Variants in HEG1 observed in about 807,000 individuals in gnomAD.
HEG1 encodes the protein heart development protein with EGF like domains 1, also known as protein HEG homolog 1.
In HEG1, 56 loss-of-function variants were observed where a neutral mutation model predicts 125.6. That is an observed-to-expected ratio of 0.45 (90% CI 0.36 to 0.56). The LOEUF is 0.56. Among genes scored for constraint, HEG1 ranks in the 20% least tolerant of loss-of-function variants. The pLI, the probability that HEG1 is intolerant of heterozygous loss-of-function variation, is 0.00. For missense variants in HEG1, 1,523 were observed against 1,670.0 expected, an observed-to-expected ratio of 0.91 and a Z score of 1.53; for synonymous variants, 644 against 668.5, an observed-to-expected ratio of 0.96 and a Z score of 0.57.
intron 3 of HEG1, among the ~76,000 whole-genome samples, chr3:125,023,116 C>G (rs1487367939): frequency 6.6e-6 from 1 of 152,114 alleles, no homozygotes; most frequent in East Asian, 1.9e-4. Context: ...ATTGCTTGAA[C>G]CTGGGAGGTG....
chr3:125,019,183 A>G (rs1937297069), intron 5 of HEG1, 79 bp downstream of exon 5: 2 of 1,274,704 alleles, frequency 1.6e-6, no homozygotes, highest in Non-Finnish European at 2.2e-6. Context: ...GCGTGGTTTT[A>G]ATACGCCACA....
intron 3 of HEG1, among the ~76,000 whole-genome samples, chr3:125,023,627 C>A (rs1034014217): frequency 2.0e-5 from 3 of 151,658 alleles, no homozygotes; most frequent in Non-Finnish European, 2.9e-5. Flanking sequence ...TCTACAAACA[C>A]CACTTATATT....
intron 1 of HEG1, among the ~76,000 whole-genome samples, chr3:125,048,137 C>T (rs1230128760): frequency 1.3e-5 from 2 of 152,058 alleles, no homozygotes; most frequent in Admixed American, 6.5e-5. Context: ...GACCTGTAAG[C>T]TTTCCTCAAA....
At chr3:125,029,847 G>A (rs973474480) in intron 1 of HEG1, among the ~76,000 whole-genome samples, 9 of 152,320 alleles carry the variant, frequency 5.9e-5, no homozygotes, top group South Asian at 2.1e-4. Context: ...AGCCAAGAAC[G>A]TGCCATTGCA....
chr3:125,023,635 A>G (rs1370583493), intron 3 of HEG1, among the ~76,000 whole-genome samples: 1 of 149,990 alleles, frequency 6.7e-6, no homozygotes, highest in Non-Finnish European at 1.5e-5. Flanking sequence ...CACCACTTAT[A>G]TTACTAAATG....
intron 1 of HEG1, among the ~76,000 whole-genome samples, chr3:125,031,560 T>C (rs927151230): frequency 2.6e-5 from 4 of 152,124 alleles, no homozygotes; most frequent in African/African-American, 4.8e-5. Flanking sequence ...TGGGGATGAA[T>C]GGAATCACTT....
At chr3:124,979,827 C>T (rs1436277231) in intron 14 of HEG1, among the ~76,000 whole-genome samples, 3 of 152,202 alleles carry the variant, frequency 2.0e-5, no homozygotes, top group Non-Finnish European at 4.4e-5. Context: ...CCCTCCTCAC[C>T]AAGCTTCTAG....
chr3:124,971,218 A>G, intron 16 of HEG1: 1 of 455,438 alleles, frequency 2.2e-6, no homozygotes, highest in Admixed American at 2.4e-5. Context: ...TTCTTGGCAG[A>G]AATAAAATAC....
At chr3:125,014,555 T>G (rs951067943) in intron 5 of HEG1, among the ~76,000 whole-genome samples, 1 of 152,132 alleles carries the variant, frequency 6.6e-6, no homozygotes, top group Non-Finnish European at 1.5e-5. Context: ...GGAGGGGTAT[T>G]CACCTTCCTG....
chr3:125,001,658 T>C (rs1337781273), intron 11 of HEG1, among the ~76,000 whole-genome samples, 194 bp downstream of exon 11: 2 of 152,204 alleles, frequency 1.3e-5, no homozygotes, highest in African/African-American at 4.8e-5. Flanking sequence ...TCTGGGTGTG[T>C]GTGTGCATGT....
rs371976361 is a variant in HEG1, at chr3:125,032,513, C to T, written c.317-3025G>A. Among the ~76,000 whole-genome samples the T allele has an allele frequency of 6.6e-5, 10 of 152,248 alleles. No homozygotes were observed. In the East Asian group the frequency reaches 1.5e-3, roughly 24 times the overall value. On this transcript the variant is annotated intron_variant, in intron 1 of 16. Coordinates refer to ENST00000311127, the MANE Select transcript of HEG1 (RefSeq NM_020733.2). ...CAGCTAGAAATGGGATGTGGAAGGG[C>T]GTTTCCAGGGGCAGCCACAAGGCCT...
chr3:125,046,379 GTA>G (rs1279238564), intron 1 of HEG1, among the ~76,000 whole-genome samples: 28 of 131,984 alleles, frequency 2.1e-4, no homozygotes, highest in Admixed American at 5.8e-4. Flanking sequence ...ATATGTATAT[GTA>G]TATATATATA....
At chr3:125,036,565 T>C (rs1579433728) in intron 1 of HEG1, among the ~76,000 whole-genome samples, 1 of 152,204 alleles carries the variant, frequency 6.6e-6, no homozygotes, top group African/African-American at 2.4e-5. Context: ...CAAGGGTAAA[T>C]GTCTGCAGTG....
chr3:125,034,197 A>AATAAG (rs1937532679), intron 1 of HEG1, among the ~76,000 whole-genome samples: 1 of 152,266 alleles, frequency 6.6e-6, no homozygotes, highest in African/African-American at 2.4e-5. Flanking sequence ...ATTTATTGAG[A>AATAAG]AAACGAGGCA....
At chr3:125,003,101 A>G (rs1017240985) in intron 9 of HEG1, among the ~76,000 whole-genome samples, 1 of 152,210 alleles carries the variant, frequency 6.6e-6, no homozygotes, top group Non-Finnish European at 1.5e-5. Context: ...ACATCAGTGT[A>G]TAGCCTAATA....
chr3:124,996,629 A>T (rs1483065532), intron 12 of HEG1, among the ~76,000 whole-genome samples: 2 of 152,196 alleles, frequency 1.3e-5, no homozygotes, highest in African/African-American at 4.8e-5. Context: ...TCCAAACCTA[A>T]CAAAGTCAGA....
chr3:125,015,032 G>A (rs1430840357), intron 5 of HEG1: 4 of 1,215,664 alleles, frequency 3.3e-6, no homozygotes, highest in Middle Eastern at 2.3e-4. Flanking sequence ...GAGTGAAAGA[G>A]GATGGCTGAA....
rs533572376 is a variant in HEG1, at chr3:125,020,821, G to A, written c.1223C>T (p.Thr408Met). ...GGAATCATTTTGCCAACGCAAAGAC[G>A]TAAGTCCAAATTCATTTTCTGTGGA... ...EPSTENEFGL[T>M]SLRWQNDSPT... The change falls in exon 4 of 17, where the codon ACG becomes ATG. Residue 408 changes from threonine (T) to methionine (M), a missense_variant. Transcript: ENST00000311127. The A allele has an allele frequency of 5.6e-6, 9 of 1,613,698 alleles. No individual in the cohort carries two copies. The highest frequency in any genetic ancestry group is 4.0e-5 in the African/African-American group (3 of 74,924).
At chr3:125,049,751 C>G (rs1937761299) in intron 1 of HEG1, among the ~76,000 whole-genome samples, 1 of 152,186 alleles carries the variant, frequency 6.6e-6, no homozygotes, top group African/African-American at 2.4e-5. Flanking sequence ...TTCCTCCCAA[C>G]ACATCAATAC....
Sources: gnomAD v4.1 joint callset for allele counts (sites outside exome capture counted in the v4.1 genomes callset) on GRCh38, gnomAD v4.1.1 for gene constraint, MANE v1.5 for transcripts, NCBI Gene and HGNC (gene_info 2026-07-23, HGNC 2026-07-21) for gene names.